Variants in XPO4 observed in about 807,000 individuals in gnomAD.
XPO4 encodes the protein exportin-4.
In XPO4, 39 loss-of-function variants were observed where a neutral mutation model predicts 143.0. That is an observed-to-expected ratio of 0.27 (90% CI 0.21 to 0.36). The LOEUF is 0.36. Ranked by LOEUF, XPO4 falls within the 10% of genes least tolerant of loss-of-function variation. The probability of loss-of-function intolerance (pLI) is 1.00; values close to 1 mark genes in which losing one functional copy is unlikely to be tolerated. For synonymous variants in XPO4, 439 were observed against 474.0 expected (o/e 0.93, Z 0.96); for missense variants, 907 against 1,348.0 (o/e 0.67, Z 5.12).
Position 20,799,032 on chromosome 13 carries a change from AAAAAGAAAG to A in XPO4, c.2322+124_2322+132del. The A allele has an allele frequency of 6.0e-6, 6 of 993,854 alleles. No individual in the cohort carries two copies. The Admixed American group carries it at 1.6e-4, about 26-fold the overall frequency. The allele number at this position is 993,854 out of a possible 1,614,324, so 61.6% of individuals were successfully genotyped here. On this transcript the variant is annotated intron_variant, in intron 16 of 22. Coordinates refer to ENST00000255305, the MANE Select transcript of XPO4 (RefSeq NM_022459.5). ...TAAGACCCTATCTCAGAAAAAAAAA[AAAAAGAAAG>A]AAAGAAAGAAAGAAAAGCTATGACT...
At chr13:20,787,093 G>A (rs2059216288) in intron 21 of XPO4, 36 bp from the exon 22 acceptor site, 1 of 1,527,536 alleles carries the variant, frequency 6.5e-7, no homozygotes, top group Non-Finnish European at 8.9e-7. Flanking sequence ...AAAAACATAG[G>A]ATGATCATAT....
At chr13:20,887,658 C>A (rs893083007) in intron 1 of XPO4, among the ~76,000 whole-genome samples, 1 of 151,822 alleles carries the variant, frequency 6.6e-6, no homozygotes, top group Non-Finnish European at 1.5e-5. Context: ...AGTTTGAGAC[C>A]AGCCTGGCCA....
Position 20,786,983 on chromosome 13 carries a change from C to A in XPO4, c.3240G>T (p.Thr1080=), listed in dbSNP as rs372882595. The change falls in exon 22 of 23, where the codon ACG becomes ACT. Residue 1080 remains threonine (T), a synonymous_variant. Coordinates refer to ENST00000255305, the MANE Select transcript of XPO4 (RefSeq NM_022459.5). ...CCAGTACCTGGTGCAAACACACCAACGTGTAGAAAGCTTCGCCAGCCGCAG... is the reference window on the plus strand; with the variant it reads ...CCAGTACCTGGTGCAAACACACCAAAGTGTAGAAAGCTTCGCCAGCCGCAG... ...MTTAAGEAFY[T]LVCLHQAEYS... The A allele has an allele frequency of 5.8e-6, 9 of 1,558,372 alleles. No homozygotes were observed. Among genetic ancestry groups the A allele is most frequent in the South Asian group, 1.2e-5 (1 of 84,836 alleles).
At position 20,782,352 on chromosome 13, in the gene XPO4, A is replaced by G. The variant is rs557767419; in HGVS notation, c.*1370T>C. ...AGTACTGCAATGAGTGGAGTTTCAT[A>G]TGCCTGCTGTGTATAAATTAGCTTT... On this transcript the variant is annotated 3_prime_UTR_variant, in exon 23 of 23. Coordinates refer to ENST00000255305, the MANE Select transcript of XPO4 (RefSeq NM_022459.5). 2 of 152,360 alleles carry G rather than the reference A, an allele frequency of 1.3e-5. No homozygotes were observed. Among genetic ancestry groups the G allele is most frequent in the South Asian group, 2.1e-4 (1 of 4,830 alleles). The allele number at this position is 152,360 out of a possible 1,614,324, so 9.4% of individuals were successfully genotyped here.
intron 1 of XPO4, among the ~76,000 whole-genome samples, chr13:20,883,077 T>C (rs2060428561): frequency 6.6e-6 from 1 of 152,160 alleles, no homozygotes; most frequent in South Asian, 2.1e-4. Context: ...TACAGCTCTC[T>C]CCAATTCTCC....
intron 6 of XPO4, among the ~76,000 whole-genome samples, 176 bp from the exon 7 acceptor site, chr13:20,827,355 TG>T (rs1162330743): frequency 6.6e-6 from 1 of 152,132 alleles, no homozygotes; most frequent in Non-Finnish European, 1.5e-5. Flanking sequence ...ATTAAGTGCC[TG>T]GGGAAAAAAA....
rs1273241632 is a variant in XPO4, at chr13:20,778,574, G to C, written c.*5148C>G. 1 of 152,092 alleles carries C rather than the reference G, an allele frequency of 6.6e-6. No homozygotes were observed. The highest frequency in any genetic ancestry group is 1.9e-4 in the East Asian group (1 of 5,188). 9.4% of individuals were successfully genotyped at this position (152,092 alleles called of 1,614,324 possible). A position where few individuals can be genotyped will look rare whatever the true frequency, so the allele number is the denominator to read the frequency against. On this transcript the variant is annotated 3_prime_UTR_variant, in exon 23 of 23. Coordinates refer to ENST00000255305, the MANE Select transcript of XPO4 (RefSeq NM_022459.5). ...AAAGATAATGACTTAACTAGTAACT[G>C]TGAAACTGTTTCTAAGACTGTGGGC...
intron 22 of XPO4, 106 bp downstream of exon 22, chr13:20,786,859 G>C: frequency 1.3e-6 from 1 of 784,444 alleles, no homozygotes; most frequent in Non-Finnish European, 1.9e-6. Context: ...CTGAAGCACT[G>C]AGTCACAGAT....
rs541226514 is a variant in XPO4, at chr13:20,828,482, T to C, written c.728-1303A>G. Among the ~76,000 whole-genome samples the C allele has an allele frequency of 3.3e-5, 5 of 152,322 alleles. No homozygotes were observed. In the East Asian group the frequency reaches 9.6e-4, roughly 29 times the overall value. On this transcript the variant is annotated intron_variant, in intron 6 of 22. Coordinates refer to ENST00000255305, the MANE Select transcript of XPO4 (RefSeq NM_022459.5). ...CAGGGAAAATTAAAGGCTGTAATAA[T>C]GCTCTGGAAACTTTTTTTTAAGATA...
At chr13:20,867,210 T>G (rs1242752875) in intron 2 of XPO4, among the ~76,000 whole-genome samples, 1 of 152,178 alleles carries the variant, frequency 6.6e-6, no homozygotes, top group Non-Finnish European at 1.5e-5. Flanking sequence ...CTGAAATAAG[T>G]AAATTAATTA....
intron 6 of XPO4, among the ~76,000 whole-genome samples, chr13:20,833,189 T>C (rs1245293803): frequency 1.3e-5 from 2 of 152,094 alleles, no homozygotes; most frequent in African/African-American, 4.8e-5. Context: ...CGGGCTTCTT[T>C]CAATAATTAA....
At position 20,826,213 on chromosome 13, in the gene XPO4, A is replaced by G. The variant is rs375903916; in HGVS notation, c.840+854T>C. ...TTTTATTGGGGATACACACTGGCCAATGTGGGAACATACTGCTTACATCTT... is the reference window on the plus strand; with the variant it reads ...TTTTATTGGGGATACACACTGGCCAGTGTGGGAACATACTGCTTACATCTT... On this transcript the variant is annotated intron_variant, in intron 7 of 22. Transcript: ENST00000255305. 7.2e-5 allele frequency among the ~76,000 whole-genome samples: 11 copies of G among 152,320 alleles called. No homozygotes were observed. In the South Asian group the frequency reaches 1.7e-3, roughly 23 times the overall value.
chr13:20,882,124 A>AAAAAAAAAAAAAAAAAAAAAAAGAAAG (rs1566624780), intron 1 of XPO4, among the ~76,000 whole-genome samples: 3 of 147,834 alleles, frequency 2.0e-5, no homozygotes, highest in African/African-American at 7.8e-5. Flanking sequence ...AAAAAAAAAA[A>AAAAAAAAAAAAAAAAAAAAAAAGAAAG]AAAGAAAGAA....
chr13:20,862,279 A>G (rs1047241313), intron 3 of XPO4, among the ~76,000 whole-genome samples: 1 of 152,212 alleles, frequency 6.6e-6, no homozygotes, highest in Non-Finnish European at 1.5e-5. Flanking sequence ...ACTTTTATTT[A>G]TAACTAAGTT....
At chr13:20,814,227 G>C (rs1034790052) in intron 9 of XPO4, among the ~76,000 whole-genome samples, 1 of 146,634 alleles carries the variant, frequency 6.8e-6, no homozygotes, top group African/African-American at 2.5e-5. Context: ...TATTTTCTAA[G>C]ACCTATCTTG....
rs563277903 is a variant in XPO4, at chr13:20,797,056, A to C, written c.2324T>G (p.Val775Gly). 6.4e-7 allele frequency: 1 copy of C among 1,570,046 alleles called. No individual in the cohort carries two copies. Among genetic ancestry groups the C allele is most frequent in the Non-Finnish European group, 8.6e-7 (1 of 1,159,866 alleles). The change falls in exon 17 of 23, where the codon GTT becomes GGT. Residue 775 changes from valine to glycine, a missense_variant and splice_region_variant. Coordinates refer to ENST00000255305, the MANE Select transcript of XPO4 (RefSeq NM_022459.5). Reference protein sequence around the residue: ...TETKQQYWTEVLQPLQQRFLR... With the variant: ...TETKQQYWTEGLQPLQQRFLR... The stretch of plus-strand genomic sequence containing the variant: ...GAATCGCTGCTGAAGTGGCTGAAGA[A>C]CCTATAAAAATAAACCAGGAATTTT...
In XPO4 at chr13:20,800,221, A is replaced by G; in HGVS notation, c.2082T>C (p.Ser694=). Reference sequence around the variant, plus strand: ...TGTCATTTGCAAGGTCCTGCTCACTACTCCAGACTGAGAGGTTACTGATGA... The same window carrying G: ...TGTCATTTGCAAGGTCCTGCTCACTGCTCCAGACTGAGAGGTTACTGATGA... ...QKVISNLSVW[S]SEQDLANDTV... Residue 694 remains serine (S), a synonymous_variant, in exon 15 of 23, where the codon AGT becomes AGC. Coordinates refer to ENST00000255305, the MANE Select transcript of XPO4 (RefSeq NM_022459.5). 3 of 1,614,122 alleles carry G rather than the reference A, an allele frequency of 1.9e-6. No individual in the cohort carries two copies. The highest frequency in any genetic ancestry group is 2.5e-6 in the Non-Finnish European group (3 of 1,180,026).
chr13:20,802,871 A>G (rs2059453384), intron 13 of XPO4, among the ~76,000 whole-genome samples: 1 of 152,222 alleles, frequency 6.6e-6, no homozygotes. Flanking sequence ...TTAAAACTAG[A>G]CAACTGAGCA....
chr13:20,858,641 G>A (rs751510958), intron 3 of XPO4, among the ~76,000 whole-genome samples: 2 of 152,080 alleles, frequency 1.3e-5, no homozygotes, highest in Non-Finnish European at 2.9e-5. Context: ...GGAGGTCAAG[G>A]AGGGCGGATC....
Sources: allele counts gnomAD v4.1 joint callset (sites outside exome capture counted in the v4.1 genomes callset), GRCh38; gene constraint gnomAD v4.1.1; transcripts MANE v1.5; gene names NCBI Gene and HGNC (gene_info 2026-07-23, HGNC 2026-07-21).